Variants in ADAMTSL3 observed in about 807,000 individuals in gnomAD.
ADAMTSL3 encodes ADAMTS like 3.
In ADAMTSL3, 128 loss-of-function variants were observed where a neutral mutation model predicts 201.7. That is an observed-to-expected ratio of 0.63 (90% confidence interval 0.55 to 0.73). The LOEUF is 0.73. ADAMTSL3 is among the 30% of genes least tolerant of loss of function. The pLI, the probability that ADAMTSL3 is intolerant of heterozygous loss-of-function variation, is 0.00. For missense variants in ADAMTSL3, 1,990 were observed against 2,119.6 expected (o/e 0.94, Z 1.20); for synonymous variants, 738 against 748.4 (o/e 0.99, Z 0.23).
chr15:83,699,817 C>T (rs907260325), intron 2 of ADAMTSL3, among the ~76,000 whole-genome samples: 2 of 152,156 alleles, frequency 1.3e-5, no homozygotes, highest in Non-Finnish European at 2.9e-5. Context: ...TAACTGGCTC[C>T]TCCTGTTTGA....
chr15:83,916,705 G>T (rs2066038987), intron 16 of ADAMTSL3, among the ~76,000 whole-genome samples: 2 of 152,176 alleles, frequency 1.3e-5, no homozygotes, highest in South Asian at 4.1e-4. Context: ...CAGACCTTTG[G>T]GAGGCTGAGG....
chr15:83,724,584 A>G (rs1450538557), intron 3 of ADAMTSL3, among the ~76,000 whole-genome samples: 2 of 151,978 alleles, frequency 1.3e-5, no homozygotes, highest in African/African-American at 2.4e-5. Flanking sequence ...TTTAAAATCT[A>G]TAGTAAATTA....
chr15:83,844,449 G>C (rs566379496), intron 7 of ADAMTSL3, among the ~76,000 whole-genome samples: 16 of 152,300 alleles, frequency 1.1e-4, no homozygotes, highest in Admixed American at 9.8e-4. Flanking sequence ...TAAAGGGTCT[G>C]CTAACATGGT....
chr15:83,716,097 G>A (rs2141555652), intron 3 of ADAMTSL3, among the ~76,000 whole-genome samples: 1 of 152,282 alleles, frequency 6.6e-6, no homozygotes, highest in East Asian at 1.9e-4. Flanking sequence ...GAGTCTGCAT[G>A]ACTTTTCTGC....
chr15:83,985,625 A>G (rs1354580653), intron 21 of ADAMTSL3, among the ~76,000 whole-genome samples: 1 of 152,114 alleles, frequency 6.6e-6, no homozygotes, highest in Non-Finnish European at 1.5e-5. Context: ...TTCATTAAAG[A>G]CATTTCTTTT....
intron 3 of ADAMTSL3, among the ~76,000 whole-genome samples, chr15:83,706,327 T>C (rs2061850810): frequency 1.3e-5 from 2 of 152,304 alleles, no homozygotes. Flanking sequence ...CTTCAGTCTT[T>C]TCAAAAGGTC....
chr15:83,814,254 C>T (rs1005381293), intron 5 of ADAMTSL3, among the ~76,000 whole-genome samples: 2 of 152,152 alleles, frequency 1.3e-5, no homozygotes, highest in Non-Finnish European at 2.9e-5. Flanking sequence ...GGGCAAGAGT[C>T]ACCCCCTCTC....
At chr15:83,851,222 G>T (rs559805463) in intron 7 of ADAMTSL3, among the ~76,000 whole-genome samples, 1 of 152,324 alleles carries the variant, frequency 6.6e-6, no homozygotes, top group East Asian at 1.9e-4. Flanking sequence ...GGGAATTCCA[G>T]TTTAGGAGAT....
intron 3 of ADAMTSL3, 142 bp from the exon 4 acceptor site, chr15:83,773,381 G>A (rs2063016927): frequency 3.3e-6 from 3 of 908,230 alleles, no homozygotes; most frequent in Non-Finnish European, 4.9e-6. Context: ...GCACTCCTGG[G>A]CAATAAGATC....
At chr15:83,782,562 G>A (rs993552369) in intron 4 of ADAMTSL3, among the ~76,000 whole-genome samples, 3 of 152,158 alleles carry the variant, frequency 2.0e-5, no homozygotes, top group African/African-American at 4.8e-5. Flanking sequence ...ATGAGATCAT[G>A]TCTTGTGCAG....
At chr15:84,001,613 C>G (rs1377905704) in intron 23 of ADAMTSL3, among the ~76,000 whole-genome samples, 1 of 152,180 alleles carries the variant, frequency 6.6e-6, no homozygotes, top group Non-Finnish European at 1.5e-5. Context: ...GAGGTCTGAC[C>G]AGAGAGAAGA....
intron 19 of ADAMTSL3, among the ~76,000 whole-genome samples, chr15:83,954,399 G>A (rs1355865881): frequency 1.3e-5 from 2 of 152,040 alleles, no homozygotes; most frequent in South Asian, 2.1e-4. Context: ...TAATCTCTTT[G>A]TTAAATTTAT....
At chr15:83,722,978 T>C (rs1007113056) in intron 3 of ADAMTSL3, among the ~76,000 whole-genome samples, 1 of 152,156 alleles carries the variant, frequency 6.6e-6, no homozygotes, top group Non-Finnish European at 1.5e-5. Context: ...GTAAAATGTA[T>C]TGATGGATTT....
chr15:84,029,516 A>G (rs374553090), intron 27 of ADAMTSL3, among the ~76,000 whole-genome samples: 3 of 152,208 alleles, frequency 2.0e-5, no homozygotes, highest in African/African-American at 4.8e-5. Flanking sequence ...TGCTCTTAAA[A>G]GCATTCAGTT....
At chr15:83,783,268 T>G (rs2063206678) in intron 4 of ADAMTSL3, among the ~76,000 whole-genome samples, 3 of 151,800 alleles carry the variant, frequency 2.0e-5, no homozygotes, top group Admixed American at 2.0e-4. Context: ...AAACAATGTA[T>G]AACTATTCAG....
At chr15:83,932,289 T>C (rs1321616093) in intron 17 of ADAMTSL3, among the ~76,000 whole-genome samples, 1 of 152,200 alleles carries the variant, frequency 6.6e-6, no homozygotes, top group East Asian at 1.9e-4. Context: ...GGGTAAAATA[T>C]GTAAAACATA....
intron 16 of ADAMTSL3, among the ~76,000 whole-genome samples, chr15:83,923,670 G>T (rs2066189107): frequency 6.6e-6 from 1 of 152,196 alleles, no homozygotes; most frequent in Non-Finnish European, 1.5e-5. Context: ...AGATTTGGGA[G>T]AGAGGGAGTA....
chr15:83,680,547 C>G (rs1009214368), intron 2 of ADAMTSL3, among the ~76,000 whole-genome samples: 2 of 140,156 alleles, frequency 1.4e-5, no homozygotes, highest in East Asian at 2.1e-4. Context: ...ATGTTTTCTT[C>G]TAGTATGTCT....
chr15:83,752,258 G>GTA (rs2062648087), intron 3 of ADAMTSL3, among the ~76,000 whole-genome samples: 1 of 151,684 alleles, frequency 6.6e-6, no homozygotes, highest in African/African-American at 2.4e-5. Context: ...ACATTTTTTG[G>GTA]TATAGCCTTA....
Sources: gnomAD v4.1 joint callset for allele counts (sites outside exome capture counted in the v4.1 genomes callset) on GRCh38, gnomAD v4.1.1 for gene constraint, MANE v1.5 for transcripts, NCBI Gene and HGNC (gene_info 2026-07-23, HGNC 2026-07-21) for gene names.